UBE2D2: variants seen among roughly 807,000 people sequenced by gnomAD.
The protein encoded by UBE2D2 is ubiquitin conjugating enzyme E2 D2.
Under a neutral mutation model 24.2 loss-of-function variants are expected in UBE2D2, and 2 were observed. That is an observed-to-expected ratio of 0.08 (90% CI 0.03 to 0.26). UBE2D2 has a LOEUF of 0.26. Among genes scored for constraint, UBE2D2 ranks in the 10% least tolerant of loss-of-function variants. The probability of loss-of-function intolerance (pLI) is 1.00; values close to 1 mark genes in which losing one functional copy is unlikely to be tolerated. For synonymous variants in UBE2D2, 58 were observed against 56.5 expected, an observed-to-expected ratio of 1.03 and a Z score of -0.12; for missense variants, 44 against 177.6, an observed-to-expected ratio of 0.25 and a Z score of 4.28.
rs542597359 is a variant in UBE2D2 at position 139,534,956 on chromosome 5, T to C, written c.-64+8344T>C. On this transcript the variant is annotated intron_variant, in intron 1 of 6. Coordinates refer to the UBE2D2 transcript ENST00000511725. ...GAGTTCAAGACCAGCCTGGGCAACATGGCAAAACCTTGTCTCTGCTAAAAA... is the reference window on the plus strand; with the variant it reads ...GAGTTCAAGACCAGCCTGGGCAACACGGCAAAACCTTGTCTCTGCTAAAAA... 3.3e-5 allele frequency among the ~76,000 whole-genome samples: 5 copies of C among 151,080 alleles called. No individual in the cohort carries two copies. In the South Asian group the frequency reaches 1.0e-3, roughly 32 times the overall value.
intron 1 of UBE2D2, among the ~76,000 whole-genome samples, chr5:139,552,927 C>T (rs1448808770): frequency 6.6e-6 from 1 of 152,132 alleles, no homozygotes; most frequent in African/African-American, 2.4e-5. Flanking sequence ...GGTGATCCAC[C>T]TGCCTTGGCC....
At chr5:139,529,855 C>T (rs558563589) in intron 1 of UBE2D2, among the ~76,000 whole-genome samples, 52 of 152,180 alleles carry the variant, frequency 3.4e-4, no homozygotes, top group Admixed American at 2.7e-3. Context: ...TTCCATTAGC[C>T]GAACATGTAG....
At chr5:139,579,904 G>A (rs1284847004) in intron 1 of UBE2D2, among the ~76,000 whole-genome samples, 5 of 151,894 alleles carry the variant, frequency 3.3e-5, no homozygotes, top group African/African-American at 1.2e-4. Flanking sequence ...AAAATTAGCC[G>A]GGCATGGTGG....
intron 1 of UBE2D2, among the ~76,000 whole-genome samples, chr5:139,550,941 C>G (rs1004992660): frequency 6.6e-6 from 1 of 152,158 alleles, no homozygotes; most frequent in African/African-American, 2.4e-5. Context: ...ACCAAGAACC[C>G]ACCAATTCCA....
intron 1 of UBE2D2, among the ~76,000 whole-genome samples, chr5:139,563,030 T>TG (rs1753144062): frequency 6.6e-6 from 1 of 152,174 alleles, no homozygotes; most frequent in Non-Finnish European, 1.5e-5. Context: ...CTCCTGTCTC[T>TG]GCCTCCCTTA....
chr5:139,549,979 C>G (rs998982672), intron 1 of UBE2D2, among the ~76,000 whole-genome samples: 1 of 152,188 alleles, frequency 6.6e-6, no homozygotes, highest in Non-Finnish European at 1.5e-5. Context: ...TGTAAATACA[C>G]CAATTAGCAC....
chr5:139,611,140 G>A (rs1013233969), intron 2 of UBE2D2, among the ~76,000 whole-genome samples: 1 of 149,856 alleles, frequency 6.7e-6, no homozygotes, highest in African/African-American at 2.5e-5. Flanking sequence ...AGAATATAGA[G>A]GCAATAAAGT....
chr5:139,538,625 C>A (rs1752716995), intron 1 of UBE2D2, among the ~76,000 whole-genome samples: 1 of 152,066 alleles, frequency 6.6e-6, no homozygotes, highest in African/African-American at 2.4e-5. Context: ...AATCCCAGCA[C>A]TTTGGGAGGC....
chr5:139,534,799 G>A (rs571242928), intron 1 of UBE2D2, among the ~76,000 whole-genome samples: 2 of 152,120 alleles, frequency 1.3e-5, no homozygotes, highest in East Asian at 3.9e-4. Flanking sequence ...ACAAACATTT[G>A]TACAATAATA....
chr5:139,603,443 T>C (rs1259166493), intron 2 of UBE2D2, among the ~76,000 whole-genome samples: 3 of 151,842 alleles, frequency 2.0e-5, no homozygotes, highest in African/African-American at 7.3e-5. Flanking sequence ...GCCAACATGG[T>C]GAAACCCTGT....
intron 1 of UBE2D2, among the ~76,000 whole-genome samples, chr5:139,547,529 G>C (rs1300505302): frequency 6.7e-6 from 1 of 149,088 alleles, no homozygotes; most frequent in Non-Finnish European, 1.5e-5. Context: ...TTTTGTTCTT[G>C]AGATGGAGTC....
chr5:139,598,243 T>C (rs1008708655), intron 1 of UBE2D2, among the ~76,000 whole-genome samples: 1 of 152,172 alleles, frequency 6.6e-6, no homozygotes, highest in African/African-American at 2.4e-5. Context: ...TACTCCAAGC[T>C]TACAGACAGG....
At chr5:139,571,683 G>C (rs1753354483) in intron 1 of UBE2D2, among the ~76,000 whole-genome samples, 1 of 151,988 alleles carries the variant, frequency 6.6e-6, no homozygotes, top group South Asian at 2.1e-4. Context: ...CTCTAGAGAA[G>C]CTTTACTTTT....
At chr5:139,529,855 C>A (rs558563589) in intron 1 of UBE2D2, among the ~76,000 whole-genome samples, 1 of 152,062 alleles carries the variant, frequency 6.6e-6, no homozygotes, top group African/African-American at 2.4e-5. Context: ...TTCCATTAGC[C>A]GAACATGTAG....
At chr5:139,586,744 G>T (rs953712844) in intron 1 of UBE2D2, among the ~76,000 whole-genome samples, 1 of 151,748 alleles carries the variant, frequency 6.6e-6, no homozygotes, top group African/African-American at 2.4e-5. Flanking sequence ...CAGCCTGGGC[G>T]ACAGAGCGAG....
At chr5:139,625,501 T>C (rs1390757285) in intron 6 of UBE2D2, among the ~76,000 whole-genome samples, 1 of 141,972 alleles carries the variant, frequency 7.0e-6, no homozygotes, top group Non-Finnish European at 1.5e-5. Flanking sequence ...TGGAATGCAG[T>C]GGCACAATCA....
chr5:139,534,873 T>C (rs1752648193), intron 1 of UBE2D2, among the ~76,000 whole-genome samples: 1 of 152,188 alleles, frequency 6.6e-6, no homozygotes, highest in Admixed American at 6.6e-5. Flanking sequence ...GTGCGGTGGC[T>C]CACACCTGTA....
At chr5:139,578,742 A>G (rs1458144755) in intron 1 of UBE2D2, among the ~76,000 whole-genome samples, 1 of 151,702 alleles carries the variant, frequency 6.6e-6, no homozygotes, top group African/African-American at 2.4e-5. Flanking sequence ...CAGCCACCCC[A>G]CTCTGCTAAA....
intron 1 of UBE2D2, among the ~76,000 whole-genome samples, chr5:139,550,933 C>G (rs1752910869): frequency 6.6e-6 from 1 of 152,136 alleles, no homozygotes; most frequent in Non-Finnish European, 1.5e-5. Flanking sequence ...TCAGTGAGAC[C>G]AAGAACCCAC....
Sources: allele counts gnomAD v4.1 joint callset (sites outside exome capture counted in the v4.1 genomes callset), GRCh38; gene constraint gnomAD v4.1.1; transcripts MANE v1.5; gene names NCBI Gene and HGNC (gene_info 2026-07-23, HGNC 2026-07-21).